ZNF644: variants seen among roughly 807,000 people sequenced by gnomAD.
ZNF644 encodes zinc finger protein 644, also known as zinc finger motif enhancer binding protein 2.
ZNF644 carries 20 observed loss-of-function variants against 108.0 expected under a neutral mutation model. The ratio of observed to expected loss-of-function variants is 0.19; its 90% CI spans 0.13 to 0.27. ZNF644 has a LOEUF of 0.27. Ranked by LOEUF, ZNF644 falls within the 10% of genes least tolerant of loss-of-function variation. ZNF644 has a pLI of 1.00. For missense variants in ZNF644, 1,338 were observed against 1,548.9 expected (o/e 0.86, Z 2.29); for synonymous variants, 542 against 539.1 (o/e 1.01, Z -0.08).
chr1:90,930,721 T>G (rs1003915789), intron 4 of ZNF644, among the ~76,000 whole-genome samples: 11 of 152,368 alleles, frequency 7.2e-5, no homozygotes, highest in African/African-American at 2.2e-4. Context: ...TTTGTATTAA[T>G]GTAAGTTTGT....
At chr1:90,977,060 C>T (rs1323179503) in intron 2 of ZNF644, among the ~76,000 whole-genome samples, 1 of 150,834 alleles carries the variant, frequency 6.6e-6, no homozygotes, top group African/African-American at 2.4e-5. Context: ...AAAAGGAGTT[C>T]ACTCACATTA....
chr1:90,997,423 T>C (rs1658255197), intron 1 of ZNF644, among the ~76,000 whole-genome samples: 1 of 152,040 alleles, frequency 6.6e-6, no homozygotes, highest in South Asian at 2.1e-4. Flanking sequence ...AGAATATAGA[T>C]TTCATAGAAT....
At chr1:90,960,629 T>C (rs369525738) in intron 2 of ZNF644, among the ~76,000 whole-genome samples, 3 of 152,122 alleles carry the variant, frequency 2.0e-5, no homozygotes, top group African/African-American at 4.8e-5. Context: ...ACACCCAATC[T>C]AGGACACATT....
chr1:90,932,531 A>G (rs1030904137), intron 4 of ZNF644, among the ~76,000 whole-genome samples: 4 of 152,204 alleles, frequency 2.6e-5, no homozygotes, highest in Non-Finnish European at 4.4e-5. Context: ...CCTGTTACTC[A>G]TATGAATTAA....
At chr1:90,951,709 C>T (rs1381098049) in intron 2 of ZNF644, among the ~76,000 whole-genome samples, 1 of 152,132 alleles carries the variant, frequency 6.6e-6, no homozygotes, top group Non-Finnish European at 1.5e-5. Flanking sequence ...CACTTAACAC[C>T]ATCTAACACA....
At chr1:91,016,635 C>A (rs1356490406) in intron 1 of ZNF644, among the ~76,000 whole-genome samples, 2 of 152,154 alleles carry the variant, frequency 1.3e-5, no homozygotes, top group East Asian at 1.9e-4. Context: ...TATTTAATAT[C>A]TTCCTCAAGA....
chr1:91,017,710 C>T (rs1660549580), intron 1 of ZNF644, among the ~76,000 whole-genome samples: 1 of 152,148 alleles, frequency 6.6e-6, no homozygotes, highest in African/African-American at 2.4e-5. Flanking sequence ...GCCTGTAATC[C>T]CAGCACTTTG....
intron 1 of ZNF644, among the ~76,000 whole-genome samples, chr1:91,008,361 T>C (rs1028765809): frequency 1.2e-4 from 18 of 152,194 alleles, no homozygotes; most frequent in Admixed American, 3.3e-4. Flanking sequence ...CAGGGCCCTA[T>C]AGCACCAGTT....
intron 1 of ZNF644, among the ~76,000 whole-genome samples, chr1:91,015,025 TTAATAC>T (rs1475533078): frequency 2.0e-5 from 3 of 152,192 alleles, no homozygotes; most frequent in Middle Eastern, 3.2e-3. Context: ...TCATCTGTCT[TTAATAC>T]TAATAATTAT....
chr1:90,990,410 G>T lies in ZNF644; in HGVS notation c.-17-8040C>A, dbSNP rs77150552. On this transcript the variant is annotated intron_variant, in intron 1 of 5. Transcript: ENST00000337393. ...TTTGCCTTCCTCCCTGAAAACTCAA[G>T]AAATCAGAAAACATATGAAACAATA... Among the ~76,000 whole-genome samples, 176 of 152,226 alleles carry T rather than the reference G, an allele frequency of 1.2e-3. 1 individual carries two copies. In the East Asian group the frequency reaches 0.027, roughly 24 times the overall value.
chr1:90,974,702 T>G (rs1167925667), intron 2 of ZNF644, among the ~76,000 whole-genome samples: 2 of 152,200 alleles, frequency 1.3e-5, no homozygotes, highest in Non-Finnish European at 2.9e-5. Flanking sequence ...CAGGCCAGCA[T>G]GCTCCCCATA....
chr1:91,006,628 CT>C (rs948435706), intron 1 of ZNF644, among the ~76,000 whole-genome samples: 24 of 151,918 alleles, frequency 1.6e-4, no homozygotes, highest in African/African-American at 5.6e-4. Context: ...CCAAAAAAGT[CT>C]TTTTTTTCTC....
At chr1:90,999,127 T>C (rs1658489087) in intron 1 of ZNF644, among the ~76,000 whole-genome samples, 2 of 152,162 alleles carry the variant, frequency 1.3e-5, no homozygotes, top group Admixed American at 1.3e-4. Flanking sequence ...CTGCAGGATA[T>C]TATCCAGGAG....
chr1:90,939,815 T>C lies in ZNF644; in HGVS notation c.1539A>G (p.Gln513=). The change falls in exon 3 of 6, where the codon CAA becomes CAG. Residue 513 remains glutamine (Q), a synonymous_variant. Transcript: ENST00000337393. ...TATCTTTTTCATGGGTTTTAGCATG[T>C]TGCACAAATGTTTTAGGGCAATTGG... is the stretch of plus-strand genomic sequence containing the variant. ...FGTNCPKTFV[Q]HAKTHEKDKR... 1 of 1,613,946 alleles carries C rather than the reference T, an allele frequency of 6.2e-7. No individual in the cohort carries two copies. Among genetic ancestry groups the C allele is most frequent in the Non-Finnish European group, 8.5e-7 (1 of 1,179,926 alleles).
chr1:90,980,768 C>T lies in ZNF644; in HGVS notation c.44+1542G>A, dbSNP rs145533659. Among the ~76,000 whole-genome samples, 253 of 152,178 alleles carry T rather than the reference C, an allele frequency of 1.7e-3. 1 individual carries two copies. The highest frequency in any genetic ancestry group is 3.0e-3 in the Non-Finnish European group (203 of 67,998). ...CAAGAACAGGCAAAACTAAATTATG[C>T]TGACAGAATTCAGAAAGATGATTAC... On this transcript the variant is annotated intron_variant, in intron 2 of 5. Transcript: ENST00000337393.
At chr1:90,994,126 G>A (rs886311901) in intron 1 of ZNF644, among the ~76,000 whole-genome samples, 2 of 152,206 alleles carry the variant, frequency 1.3e-5, no homozygotes, top group African/African-American at 4.8e-5. Context: ...TATTGGGAAA[G>A]TGTCACTTGA....
intron 1 of ZNF644, among the ~76,000 whole-genome samples, chr1:91,002,652 T>C (rs1658976378): frequency 6.6e-6 from 1 of 152,056 alleles, no homozygotes; most frequent in Non-Finnish European, 1.5e-5. Context: ...CCAAAAGCAA[T>C]GGCAACAAAA....
chr1:90,997,701 C>G (rs1453568974), intron 1 of ZNF644, among the ~76,000 whole-genome samples: 4 of 152,126 alleles, frequency 2.6e-5, no homozygotes, highest in African/African-American at 9.7e-5. Context: ...GAGTGGTGGA[C>G]AGTGGGTGCA....
chr1:90,930,229 T>G (rs1475197520), intron 4 of ZNF644, among the ~76,000 whole-genome samples: 1 of 152,138 alleles, frequency 6.6e-6, no homozygotes, highest in East Asian at 1.9e-4. Context: ...GAGGTTGCAG[T>G]GAGCCGAGAC....
Sources: allele counts gnomAD v4.1 joint callset (sites outside exome capture counted in the v4.1 genomes callset), GRCh38; gene constraint gnomAD v4.1.1; transcripts MANE v1.5; gene names NCBI Gene and HGNC (gene_info 2026-07-23, HGNC 2026-07-21).